The following STXBP2 variants were observed in gnomAD, a reference collection of about 807,000 sequenced individuals.
STXBP2 encodes the protein syntaxin binding protein 2.
STXBP2 carries 47 observed loss-of-function variants against 72.2 expected under a neutral mutation model. The observed-to-expected ratio is 0.65, with a 90% confidence interval of 0.51 to 0.83. STXBP2 has a LOEUF of 0.83. Among genes scored for constraint, STXBP2 ranks in the 40% least tolerant of loss-of-function variants. The probability of loss-of-function intolerance (pLI) is 0.00; values close to 1 mark genes in which losing one functional copy is unlikely to be tolerated. For synonymous variants in STXBP2, 367 were observed against 338.7 expected, an observed-to-expected ratio of 1.08 and a Z score of -0.92; for missense variants, 702 against 807.6, an observed-to-expected ratio of 0.87 and a Z score of 1.58.
chr19:7,633,057 C>A, upstream of STXBP2: 3 of 1,374,336 alleles, frequency 2.2e-6, no homozygotes, highest in South Asian at 4.5e-5. Context: ...AGTGCCACTT[C>A]ACGTGGTACC....
At chr19:7,640,173 CGTCT>C (rs202101927) in intron 4 of STXBP2, 43,239 of 457,926 alleles carry the variant, frequency 0.094, 2,124 homozygotes, top group Middle Eastern at 0.13. Context: ...TGTGTGTGTG[CGTCT>C]GTCTGTGTGC....
Position 7,640,714 on chromosome 19 carries a change from T to C in STXBP2, c.247-17T>C. 1 of 1,613,948 alleles carries C rather than the reference T, an allele frequency of 6.2e-7. No homozygotes were observed. Reference sequence around the variant, plus strand: ...GGTGTGCAGGCTCAGGCCCAGAGAGTGATCCACCTTCCCCAGTCGGTTCAG... The same window carrying C: ...GGTGTGCAGGCTCAGGCCCAGAGAGCGATCCACCTTCCCCAGTCGGTTCAG... On this transcript the variant is annotated splice_polypyrimidine_tract_variant and intron_variant, in intron 4 of 18. Coordinates refer to ENST00000221283, the MANE Select transcript of STXBP2 (RefSeq NM_006949.4).
In STXBP2 at chr19:7,639,133, T is replaced by A. The variant is rs777787187; in HGVS notation, c.169+33T>A. 4 of 1,608,666 alleles carry A rather than the reference T, an allele frequency of 2.5e-6. No homozygotes were observed. In the Admixed American group the frequency reaches 6.7e-5, roughly 27 times the overall value. On this transcript the variant is annotated intron_variant, in intron 3 of 18. Coordinates refer to ENST00000221283, the MANE Select transcript of STXBP2 (RefSeq NM_006949.4). ...AACGCGTCCCCAGTGAGATGGGACCTGAGCGTGGGAACCCCTGACTGTGCC... is the reference window on the plus strand; with the variant it reads ...AACGCGTCCCCAGTGAGATGGGACCAGAGCGTGGGAACCCCTGACTGTGCC...
intron 4 of STXBP2, chr19:7,640,051 T>C: frequency 3.1e-6 from 2 of 638,516 alleles, no homozygotes; most frequent in South Asian, 3.0e-5. Flanking sequence ...TGTGTGCATT[T>C]GTGTGTATGT....
chr19:7,642,450 C>T lies in STXBP2; in HGVS notation c.816C>T (p.Ser272=), dbSNP rs78010345. Residue 272 remains serine (S), a synonymous_variant, in exon 10 of 19, where the codon AGC becomes AGT. Transcript: ENST00000221283. The surrounding 1 kb of genome is among the most constrained non-coding windows in gnomAD (Gnocchi z 6.0). The stretch of plus-strand genomic sequence containing the variant: ...CCAGGTATGAGACCACCGGGCTGAG[C>T]GAGGCGCGGGAGAAGGCCGTCTTGC... ...DTYRYETTGL[S]EAREKAVLLD... 4.4e-4 allele frequency: 706 copies of T among 1,613,982 alleles called. 8 individuals carry two copies. In the East Asian group the frequency reaches 0.015, roughly 34 times the overall value.
intron 13 of STXBP2, among the ~76,000 whole-genome samples, chr19:7,643,988 GGTGGGA>G (rs2032015566): frequency 6.7e-6 from 1 of 148,854 alleles, no homozygotes; most frequent in Non-Finnish European, 1.5e-5. Flanking sequence ...GCCTTGGAGA[GGTGGGA>G]CCTGGGTGAG....
Position 7,642,315 on chromosome 19 carries a change from T to C in STXBP2, c.776T>C (p.Ile259Thr), listed in dbSNP as rs764336756. 4.5e-5 allele frequency: 72 copies of C among 1,613,944 alleles called. No homozygotes were observed. The highest frequency in any genetic ancestry group is 6.0e-5 in the Non-Finnish European group (71 of 1,179,988). ...GCCATGGCGTATGATCTGCTGGACA[T>C]AGAGCAGGACACATACAGGTCTGCA... is the stretch of plus-strand genomic sequence containing the variant. ...FQAMAYDLLD[I>T]EQDTYRYETT... Residue 259 changes from isoleucine (I) to threonine (T), a missense_variant, in exon 9 of 19, where the codon ATA becomes ACA. Transcript: ENST00000221283. This position sits in a 1 kb window ranked among gnomAD's most constrained non-coding sequence, Gnocchi z 6.0.
chr19:7,646,521 G>A, intron 16 of STXBP2, 177 bp downstream of exon 16: 1 of 685,554 alleles, frequency 1.5e-6, no homozygotes, highest in South Asian at 1.6e-5. Flanking sequence ...TGAGGAATTG[G>A]GGTGACAGCG....
Position 7,642,531 on chromosome 19 carries a change from G to C in STXBP2, c.897G>C (p.Val299=). 2 of 1,613,948 alleles carry C rather than the reference G, an allele frequency of 1.2e-6. No homozygotes were observed. Among genetic ancestry groups the C allele is most frequent in the Non-Finnish European group, 1.7e-6 (2 of 1,180,012 alleles). Residue 299 remains valine, a synonymous_variant, in exon 10 of 19, where the codon GTG becomes GTC. Transcript: ENST00000221283. This position sits in a 1 kb window ranked among gnomAD's most constrained non-coding sequence, Gnocchi z 6.0. The stretch of plus-strand genomic sequence containing the variant: ...TTCGCCACATGCATATCGCAGATGT[G>C]TCCAAGTGCGTGCACACGGGGACCG... ...VELRHMHIAD[V]SKKVTELLRT... is the part of the protein sequence containing the mutation.
At chr19:7,638,540 C>T (rs551984777) in intron 1 of STXBP2, among the ~76,000 whole-genome samples, 186 bp from the exon 2 acceptor site, 9 of 151,824 alleles carry the variant, frequency 5.9e-5, no homozygotes, top group South Asian at 4.2e-4. Context: ...AGTTGGAGGC[C>T]GCAGTGAGTT....
upstream of STXBP2, chr19:7,632,730 T>TGGCCC (rs748962844): frequency 1.3e-6 from 2 of 1,560,750 alleles, no homozygotes; most frequent in Non-Finnish European, 1.7e-6. This position sits in a 1 kb window ranked among gnomAD's most constrained non-coding sequence, Gnocchi z 5.2. Flanking sequence ...CTTGGTGGTC[T>TGGCCC]GGCCCGGCCC....
At chr19:7,632,796 A>G (rs2031380849), upstream of STXBP2, 1 of 1,562,070 alleles carries the variant, frequency 6.4e-7, no homozygotes. This position sits in a 1 kb window ranked among gnomAD's most constrained non-coding sequence, Gnocchi z 5.2. Flanking sequence ...GTGGCTCAGC[A>G]GATTGAAGAA....
intron 13 of STXBP2, 140 bp downstream of exon 13, chr19:7,643,385 G>A (rs2031976134): frequency 2.2e-6 from 2 of 897,948 alleles, no homozygotes; most frequent in Admixed American, 2.1e-5. Context: ...AGAGAGGTGG[G>A]ACCTGGTGGG....
intron 4 of STXBP2, chr19:7,640,020 A>G (rs755198487): frequency 3.2e-5 from 21 of 665,624 alleles, no homozygotes; most frequent in Non-Finnish European, 4.3e-5. Flanking sequence ...GTCTGTGTGC[A>G]TGTGCATGTG....
chr19:7,634,579 A>G (rs2031458950), upstream of STXBP2, among the ~76,000 whole-genome samples: 4 of 152,248 alleles, frequency 2.6e-5, no homozygotes, highest in South Asian at 8.3e-4. Flanking sequence ...TATTTTGCCC[A>G]GGCTAGTCTC....
upstream of STXBP2, chr19:7,633,839 C>T (rs909742501): frequency 1.5e-5 from 3 of 206,658 alleles, no homozygotes; most frequent in Admixed American, 6.0e-5. Context: ...GCAGGTGTCC[C>T]CACCCAGCCA....
chr19:7,645,918 C>G, intron 15 of STXBP2: 1 of 446,984 alleles, frequency 2.2e-6, no homozygotes, highest in Non-Finnish European at 4.1e-6. Flanking sequence ...CTGTCCCCAT[C>G]TTCCTCTCTC....
In STXBP2 at chr19:7,644,762, G is replaced by T; in HGVS notation, c.1246+10G>T. 1 of 1,613,586 alleles carries T rather than the reference G, an allele frequency of 6.2e-7. No individual in the cohort carries two copies. Among genetic ancestry groups the T allele is most frequent in the Non-Finnish European group, 8.5e-7 (1 of 1,179,832 alleles). On this transcript the variant is annotated intron_variant, in intron 14 of 18. Coordinates refer to ENST00000221283, the MANE Select transcript of STXBP2 (RefSeq NM_006949.4). ...ATCCTCCTTCGGAATGGTGGGTGGG[G>T]GCTGCAGGGAGTTGGAACGTCCCCA...
Position 7,638,728 on chromosome 19 carries a change from A to G in STXBP2, c.40A>G (p.Ile14Val). 1 of 1,614,000 alleles carries G rather than the reference A, an allele frequency of 6.2e-7. No homozygotes were observed. The highest frequency in any genetic ancestry group is 8.5e-7 in the Non-Finnish European group (1 of 1,179,982). ...CCCCTCCCCTCCCTTCCCTGCAGAA[A>G]TTCTGAGCGGAGTTATTCGGAGTGT... is the stretch of plus-strand genomic sequence containing the variant. ...SGLKAVVGEK[I>V]LSGVIRSVKK... is the part of the protein sequence containing the mutation. Residue 14 changes from isoleucine to valine, a missense_variant and splice_region_variant, in exon 2 of 19, where the codon ATT (isoleucine) becomes GTT (valine). By Grantham distance (29) the Ile-to-Val change is conservative. Transcript: ENST00000221283.
Sources: gnomAD v4.1 joint callset for allele counts (sites outside exome capture counted in the v4.1 genomes callset) on GRCh38, gnomAD v4.1.1 for gene constraint, Gnocchi (gnomAD v3.1) non-coding constraint, MANE v1.5 for transcripts, NCBI Gene and HGNC (gene_info 2026-07-23, HGNC 2026-07-21) for gene names.